Variants in WDFY4 observed in about 807,000 individuals in gnomAD.
The protein encoded by WDFY4 is WD repeat- and FYVE domain-containing protein 4.
Under a neutral mutation model 351.9 loss-of-function variants are expected in WDFY4, and 169 were observed. The ratio of observed to expected loss-of-function variants is 0.48; its 90% CI spans 0.42 to 0.55. The LOEUF (loss-of-function observed/expected upper bound fraction) is 0.55. WDFY4 is among the 20% of genes least tolerant of loss of function. The pLI is 0.00. For missense variants in WDFY4, 3,803 were observed against 3,935.6 expected, an observed-to-expected ratio of 0.97 and a Z score of 0.90; for synonymous variants, 1,622 against 1,574.6, an observed-to-expected ratio of 1.03 and a Z score of -0.71.
intron 39 of WDFY4, among the ~76,000 whole-genome samples, chr10:48,836,977 C>A (rs1468050082): frequency 6.6e-6 from 1 of 152,064 alleles, no homozygotes; most frequent in African/African-American, 2.4e-5. Context: ...CATCAACAAG[C>A]AATGTTGGTT....
chr10:48,836,189 T>G (rs768258111), intron 39 of WDFY4, among the ~76,000 whole-genome samples: 6 of 152,270 alleles, frequency 3.9e-5, no homozygotes, highest in Non-Finnish European at 7.3e-5. Context: ...TTAATTTTGA[T>G]TATTACAGCT....
intron 39 of WDFY4, among the ~76,000 whole-genome samples, chr10:48,855,687 C>T (rs952973587): frequency 2.0e-5 from 3 of 151,946 alleles, no homozygotes; most frequent in African/African-American, 7.2e-5. Flanking sequence ...ATAATAGACC[C>T]ATTATGTATA....
chr10:48,745,546 T>A, intron 12 of WDFY4: 1 of 403,116 alleles, frequency 2.5e-6, no homozygotes, highest in Non-Finnish European at 4.7e-6. Flanking sequence ...ATTGGGCTCA[T>A]GGGTCTTGAG....
intron 46 of WDFY4, among the ~76,000 whole-genome samples, chr10:48,901,252 C>T (rs1026253175): frequency 1.3e-5 from 2 of 152,264 alleles, no homozygotes; most frequent in African/African-American, 2.4e-5. Flanking sequence ...AAATTATATT[C>T]AAGGCCTAGT....
intron 1 of WDFY4, among the ~76,000 whole-genome samples, chr10:48,708,727 C>T (rs2063696475): frequency 6.6e-6 from 1 of 152,162 alleles, no homozygotes; most frequent in Admixed American, 6.5e-5. Flanking sequence ...TTGAGGTTCC[C>T]AACTTGCAAA....
At position 48,901,824 on chromosome 10, in the gene WDFY4, T is replaced by G; in HGVS notation, c.7547T>G (p.Leu2516Arg). 1.3e-6 allele frequency: 2 copies of G among 1,551,584 alleles called. No homozygotes were observed. Among genetic ancestry groups the G allele is most frequent in the Non-Finnish European group, 1.7e-6 (2 of 1,146,878 alleles). ...FKSFCSFQPS[L>R]KGKATSEDTL... ...AGCTTCTGCTCTTTCCAACCCAGCC[T>G]GAAGGGGAAAGCCACCTCGGAGGAC... Residue 2516 changes from leucine (L) to arginine (R), a missense_variant, in exon 47 of 62, where the codon CTG becomes CGG. By Grantham distance (102) the Leu-to-Arg change is moderately radical. Around this residue, in one of 3 missense-constraint regions of WDFY4, gnomAD observed 3,054 missense variants for 3,148.6 expected, o/e 0.97. Transcript: ENST00000325239.
intron 13 of WDFY4, among the ~76,000 whole-genome samples, chr10:48,764,513 G>A (rs1373149489): frequency 1.3e-5 from 2 of 152,254 alleles, no homozygotes; most frequent in Non-Finnish European, 2.9e-5. Flanking sequence ...ATGAGTGTCT[G>A]TCATAAGAGA....
rs1158079390 is a variant in WDFY4 at position 48,980,325 on chromosome 10, G to A, written c.9377-1042G>A. ...TGCTCAAAACTGCTTTGTTGGAAAG[G>A]GACCTGTATTGGGCATGGCACGTGG... is the stretch of plus-strand genomic sequence containing the variant. On this transcript the variant is annotated intron_variant, in intron 60 of 61. Transcript: ENST00000325239. 2.0e-5 allele frequency among the ~76,000 whole-genome samples: 3 copies of A among 152,202 alleles called. No individual in the cohort carries two copies. In the East Asian group the frequency reaches 5.8e-4, roughly 29 times the overall value.
chr10:48,739,839 A>G (rs1304404091), intron 11 of WDFY4, among the ~76,000 whole-genome samples: 1 of 152,164 alleles, frequency 6.6e-6, no homozygotes, highest in African/African-American at 2.4e-5. Context: ...AATGAGGGTG[A>G]TTATTGGGTT....
intron 45 of WDFY4, among the ~76,000 whole-genome samples, chr10:48,898,939 C>T (rs190316028): frequency 3.3e-5 from 5 of 151,452 alleles, no homozygotes. Context: ...AGGCCGTGTC[C>T]TGCCTTTCCA....
intron 13 of WDFY4, among the ~76,000 whole-genome samples, chr10:48,760,967 G>A (rs1235812344): frequency 6.6e-6 from 1 of 152,236 alleles, no homozygotes. Context: ...AAGTGAATAT[G>A]AAATTATGAA....
At chr10:48,743,585 T>G in intron 12 of WDFY4, 37 bp downstream of exon 12, 6 of 1,507,404 alleles carry the variant, frequency 4.0e-6, no homozygotes, top group Non-Finnish European at 5.3e-6. Context: ...AGTGCATCTC[T>G]GTCTCCCATT....
intron 40 of WDFY4, among the ~76,000 whole-genome samples, 168 bp downstream of exon 40, chr10:48,867,510 G>A (rs2069592888): frequency 6.6e-6 from 1 of 152,232 alleles, no homozygotes; most frequent in South Asian, 2.1e-4. Context: ...ACTGACAAGG[G>A]CAGGCTTAGA....
chr10:48,705,709 AT>A (rs755522909), intron 1 of WDFY4, among the ~76,000 whole-genome samples: 1 of 152,336 alleles, frequency 6.6e-6, no homozygotes, highest in Non-Finnish European at 1.5e-5. Flanking sequence ...ATCTTTGCCG[AT>A]TCAAGTGAAG....
intron 47 of WDFY4, among the ~76,000 whole-genome samples, chr10:48,922,647 T>C (rs1349536256): frequency 6.6e-6 from 1 of 152,172 alleles, no homozygotes; most frequent in Non-Finnish European, 1.5e-5. Context: ...GTTTCAGGTA[T>C]TCAATGGGGG....
At chr10:48,843,881 TTAAG>T (rs145187827) in intron 39 of WDFY4, among the ~76,000 whole-genome samples, 1,623 of 152,354 alleles carry the variant, frequency 0.011, 25 homozygotes, top group African/African-American at 0.037. Flanking sequence ...TTCATCTAAA[TTAAG>T]TGTTTTCAAA....
chr10:48,854,058 C>T (rs1045840692), intron 39 of WDFY4, among the ~76,000 whole-genome samples: 4 of 152,002 alleles, frequency 2.6e-5, no homozygotes, highest in South Asian at 4.2e-4. Context: ...TATAACCAAA[C>T]TCATAGAGCA....
chr10:48,725,920 G>C lies in WDFY4; in HGVS notation c.631G>C (p.Gly211Arg), dbSNP rs368696574. 3.9e-6 allele frequency: 6 copies of C among 1,550,776 alleles called. No homozygotes were observed. The highest frequency in any genetic ancestry group is 5.2e-6 in the Non-Finnish European group (6 of 1,146,344). ...TTGCAGTGACTCTCAGGGCCTGGAGGGACTCCTCTCAGGAAGTGAGCTGCA... is the reference window on the plus strand; with the variant it reads ...TTGCAGTGACTCTCAGGGCCTGGAGCGACTCCTCTCAGGAAGTGAGCTGCA... ...NICSDSQGLE[G>R]LLSGSELQSL... The change falls in exon 6 of 62, where the codon GGA (glycine) becomes CGA (arginine). Residue 211 changes from glycine (G) to arginine (R), a missense_variant. Gly to Arg is a moderately radical substitution (Grantham distance 125). Transcript: ENST00000325239.
chr10:48,819,850 C>T (rs369555671), intron 32 of WDFY4, among the ~76,000 whole-genome samples: 251 of 152,234 alleles, frequency 1.6e-3, no homozygotes, highest in Non-Finnish European at 2.8e-3. Context: ...GGCATTGCCA[C>T]GTTCGTTATT....
Sources: gnomAD v4.1 joint callset for allele counts (sites outside exome capture counted in the v4.1 genomes callset) on GRCh38, gnomAD v4.1.1 for gene constraint, gnomAD v4.1.1 regional missense constraint, MANE v1.5 for transcripts, NCBI Gene and HGNC (gene_info 2026-07-23, HGNC 2026-07-21) for gene names.